ESR1: variants seen among roughly 807,000 people sequenced by gnomAD.
The protein encoded by ESR1 is estrogen receptor.
In ESR1, 12 loss-of-function variants were observed where a neutral mutation model predicts 52.7. That is an observed-to-expected ratio of 0.23 (90% CI 0.15 to 0.37). The LOEUF is 0.37. Among genes scored for constraint, ESR1 ranks in the 10% least tolerant of loss-of-function variants. The pLI is 1.00. For synonymous variants in ESR1, 305 were observed against 316.8 expected, an observed-to-expected ratio of 0.96 and a Z score of 0.39; for missense variants, 584 against 779.7, an observed-to-expected ratio of 0.75 and a Z score of 2.99.
upstream of ESR1, among the ~76,000 whole-genome samples, chr6:151,800,427 C>A (rs1311898103): frequency 6.6e-6 from 1 of 152,104 alleles, no homozygotes; most frequent in Non-Finnish European, 1.5e-5. Flanking sequence ...GATTATGCTC[C>A]CCTACCCACC....
intron 3 of ESR1, among the ~76,000 whole-genome samples, chr6:151,923,086 C>T (rs549184004): frequency 1.2e-4 from 18 of 152,234 alleles, no homozygotes; most frequent in East Asian, 3.9e-4. Flanking sequence ...TACTCATGTA[C>T]GAAACAACTT....
At chr6:151,845,615 C>T (rs1020671423) in intron 2 of ESR1, among the ~76,000 whole-genome samples, 1 of 152,056 alleles carries the variant, frequency 6.6e-6, no homozygotes, top group Admixed American at 6.6e-5. Flanking sequence ...AACCTCTTAT[C>T]GCCGTCTTGT....
chr6:151,671,319 G>T (rs1261880804), intron 1 of ESR1, among the ~76,000 whole-genome samples: 1 of 152,178 alleles, frequency 6.6e-6, no homozygotes, highest in African/African-American at 2.4e-5. Context: ...AGCAAATGTG[G>T]TATGTATACA....
Position 152,061,179 on chromosome 6 carries a change from T to A in ESR1, c.1369+55T>A, listed in dbSNP as rs2128959170. ...CTGGATGAAATGTTTATTTGTAGTT[T>A]TCAACCAGATACGATCTACCCACTC... On this transcript the variant is annotated intron_variant, in intron 6 of 7. Transcript: ENST00000206249. This position sits in a 1 kb window ranked among gnomAD's most constrained non-coding sequence, Gnocchi z 4.3. The A allele has an allele frequency of 6.4e-7, 1 of 1,563,362 alleles. No individual in the cohort carries two copies. The highest frequency in any genetic ancestry group is 8.8e-7 in the Non-Finnish European group (1 of 1,135,130).
chr6:152,073,835 C>T (rs2048528715), intron 6 of ESR1, among the ~76,000 whole-genome samples: 1 of 152,184 alleles, frequency 6.6e-6, no homozygotes, highest in South Asian at 2.1e-4. Context: ...GCAGCATCTG[C>T]AACCCCACTT....
chr6:151,920,270 A>G (rs1357292398), intron 3 of ESR1, among the ~76,000 whole-genome samples: 2 of 151,512 alleles, frequency 1.3e-5, no homozygotes, highest in Non-Finnish European at 2.9e-5. Flanking sequence ...TAATTTTAAT[A>G]TTATATGAAA....
chr6:152,119,812 C>A (rs1042827089), intron 6 of ESR1, among the ~76,000 whole-genome samples: 1 of 150,084 alleles, frequency 6.7e-6, no homozygotes, highest in African/African-American at 2.5e-5. Context: ...TGGCCCCATA[C>A]CCATCTCCCC....
In ESR1 at chr6:152,053,200, TC is replaced by T. The variant is rs1279662264; in HGVS notation, c.1236-7788del. Among the ~76,000 whole-genome samples, 1 of 152,026 alleles carries T rather than the reference TC, an allele frequency of 6.6e-6. No homozygotes were observed. Among genetic ancestry groups the T allele is most frequent in the African/African-American group, 2.4e-5 (1 of 41,382 alleles). On this transcript the variant is annotated intron_variant, in intron 5 of 7. Coordinates refer to ENST00000206249, the MANE Select transcript of ESR1 (RefSeq NM_000125.4). The surrounding 1 kb of genome is among the most constrained non-coding windows in gnomAD (Gnocchi z 4.1). Reference sequence around the variant, plus strand: ...CTATTTTCATTACTGTCTCCTTCCCTCCCTCCCTCAGTCCCTCCCTTAGTCT... The same window carrying T: ...CTATTTTCATTACTGTCTCCTTCCCTCCTCCCTCAGTCCCTCCCTTAGTCT...
intron 3 of ESR1, among the ~76,000 whole-genome samples, chr6:151,929,533 G>A (rs879823008): frequency 2.0e-5 from 3 of 152,080 alleles, no homozygotes; most frequent in Non-Finnish European, 4.4e-5. Flanking sequence ...TAGATGACAG[G>A]TTAATAGGTG....
chr6:152,024,177 A>G (rs191841443), intron 5 of ESR1, among the ~76,000 whole-genome samples: 1 of 152,270 alleles, frequency 6.6e-6, no homozygotes, highest in East Asian at 1.9e-4. Context: ...TTAATTACAC[A>G]GTAAATTTCT....
intron 4 of ESR1, among the ~76,000 whole-genome samples, chr6:151,988,606 A>AAATATT (rs1238085004): frequency 6.6e-6 from 1 of 152,026 alleles, no homozygotes. Flanking sequence ...TGATCAGAAA[A>AAATATT]AATATTAATA....
Position 152,061,362 on chromosome 6 carries a change from AT to A in ESR1, c.1369+243del, listed in dbSNP as rs2047526500. ...TGAATCAAATGGCCTTTGAGCTAAA[AT>A]TTTTGTATGCTTTCACAGATAGGAT... On this transcript the variant is annotated intron_variant, in intron 6 of 7. Coordinates refer to ENST00000206249, the MANE Select transcript of ESR1 (RefSeq NM_000125.4). The surrounding 1 kb of genome is among the most constrained non-coding windows in gnomAD (Gnocchi z 4.3). Among the ~76,000 whole-genome samples, 1 of 152,188 alleles carries A rather than the reference AT, an allele frequency of 6.6e-6. No homozygotes were observed. Among genetic ancestry groups the A allele is most frequent in the Non-Finnish European group, 1.5e-5 (1 of 68,028 alleles).
intron 2 of ESR1, among the ~76,000 whole-genome samples, chr6:151,774,729 CA>C (rs1188671851): frequency 6.6e-6 from 1 of 152,142 alleles, no homozygotes; most frequent in East Asian, 1.9e-4. Flanking sequence ...TGAAAGAAGC[CA>C]AAACCTTTCT....
chr6:151,876,426 C>CCCG (rs1420305723), intron 2 of ESR1, among the ~76,000 whole-genome samples: 3 of 152,122 alleles, frequency 2.0e-5, no homozygotes, highest in African/African-American at 7.2e-5. Flanking sequence ...AAAGGAGAGA[C>CCCG]CTGCAATATT....
intron 2 of ESR1, among the ~76,000 whole-genome samples, chr6:151,736,848 C>T (rs541627787): frequency 3.2e-4 from 48 of 152,148 alleles, no homozygotes; most frequent in Admixed American, 5.2e-4. Flanking sequence ...ATTTGAATTT[C>T]GGCACGCTGG....
chr6:151,662,831 G>T (rs1022989036), intron 1 of ESR1, among the ~76,000 whole-genome samples: 10 of 152,152 alleles, frequency 6.6e-5, no homozygotes, highest in African/African-American at 1.9e-4. Context: ...GAAGAATTTT[G>T]TTTATAAGAA....
At chr6:151,863,186 A>G (rs890678870) in intron 2 of ESR1, among the ~76,000 whole-genome samples, 16 of 152,096 alleles carry the variant, frequency 1.1e-4, no homozygotes, top group Non-Finnish European at 2.2e-4. Context: ...GATGAAAGTC[A>G]TTGGTAGCTT....
At chr6:151,803,808 C>G (rs1428783450), upstream of ESR1, among the ~76,000 whole-genome samples, 1 of 151,962 alleles carries the variant, frequency 6.6e-6, no homozygotes, top group African/African-American at 2.4e-5. Context: ...GAAAATCAGC[C>G]CTCGAAGAAG....
intron 1 of ESR1, among the ~76,000 whole-genome samples, chr6:151,835,897 A>C (rs779645558): frequency 2.6e-5 from 4 of 152,042 alleles, no homozygotes; most frequent in Non-Finnish European, 5.9e-5. Context: ...AGATAGTTTC[A>C]GTGTTTTTTA....
Sources: gnomAD v4.1 joint callset for allele counts (sites outside exome capture counted in the v4.1 genomes callset) on GRCh38, gnomAD v4.1.1 for gene constraint, Gnocchi (gnomAD v3.1) non-coding constraint, MANE v1.5 for transcripts, NCBI Gene and HGNC (gene_info 2026-07-23, HGNC 2026-07-21) for gene names.